The following CDK6 variants were observed in gnomAD, a reference collection of about 807,000 sequenced individuals.
CDK6 encodes the protein cyclin-dependent kinase 6.
In CDK6, 6 loss-of-function variants were observed where a neutral mutation model predicts 37.1. That is an observed-to-expected ratio of 0.16 (90% CI 0.09 to 0.32). The LOEUF is 0.32. Ranked by LOEUF, CDK6 falls within the 10% of genes least tolerant of loss-of-function variation. The pLI is 1.00. For synonymous variants in CDK6, 160 were observed against 161.3 expected (o/e 0.99, Z 0.06); for missense variants, 224 against 418.9 (o/e 0.53, Z 4.06).
chr7:92,770,520 C>T (rs542199897), intron 3 of CDK6, among the ~76,000 whole-genome samples: 2 of 152,004 alleles, frequency 1.3e-5, no homozygotes, highest in Non-Finnish European at 2.9e-5. Flanking sequence ...CAACTATCAA[C>T]CTTTATTAGT....
chr7:92,780,089 C>T (rs567915509), intron 2 of CDK6, among the ~76,000 whole-genome samples: 8 of 152,324 alleles, frequency 5.3e-5, no homozygotes, highest in Admixed American at 3.3e-4. Flanking sequence ...TCTCCTGCCT[C>T]AGCCTCCCGA....
intron 3 of CDK6, among the ~76,000 whole-genome samples, chr7:92,731,906 T>C (rs1285801432): frequency 3.3e-5 from 5 of 152,168 alleles, no homozygotes; most frequent in Admixed American, 3.3e-4. Flanking sequence ...CATCAGGAAC[T>C]GAAACTGCAA....
chr7:92,723,304 T>C (rs535040284), intron 4 of CDK6, among the ~76,000 whole-genome samples: 1 of 152,216 alleles, frequency 6.6e-6, no homozygotes, highest in Admixed American at 6.5e-5. Flanking sequence ...AGTAAAATAC[T>C]AGCATTTCTC....
At position 92,674,279 on chromosome 7, in the gene CDK6, T is replaced by C. The variant is rs1447792460; in HGVS notation, c.538-2744A>G. The stretch of plus-strand genomic sequence containing the variant: ...CCTATTCTACAAGGCCTAGCCTAGA[T>C]GCCAGCACCACCCTGTTGCAGCACC... On this transcript the variant is annotated intron_variant, in intron 4 of 7. Transcript: ENST00000424848. 2.0e-5 allele frequency among the ~76,000 whole-genome samples: 3 copies of C among 152,318 alleles called. No homozygotes were observed. In the East Asian group the frequency reaches 5.8e-4, roughly 29 times the overall value.
chr7:92,736,963 C>A (rs564569695), intron 3 of CDK6, among the ~76,000 whole-genome samples: 1 of 152,134 alleles, frequency 6.6e-6, no homozygotes, highest in Non-Finnish European at 1.5e-5. Context: ...TGGAGAGCTC[C>A]GCTACATTTC....
intron 2 of CDK6, among the ~76,000 whole-genome samples, chr7:92,825,637 T>C (rs1801292513): frequency 6.6e-6 from 1 of 152,164 alleles, no homozygotes; most frequent in African/African-American, 2.4e-5. Flanking sequence ...AAATTCAGAA[T>C]CATCATCTTT....
chr7:92,629,605 G>A (rs770369691), intron 5 of CDK6, among the ~76,000 whole-genome samples: 4 of 152,096 alleles, frequency 2.6e-5, no homozygotes, highest in Non-Finnish European at 5.9e-5. Context: ...AGATGAAAAA[G>A]TCATTTCTAA....
intron 5 of CDK6, among the ~76,000 whole-genome samples, chr7:92,652,353 C>A (rs1042004015): frequency 4.6e-5 from 7 of 152,268 alleles, no homozygotes; most frequent in African/African-American, 1.7e-4. Flanking sequence ...CTTTATAATT[C>A]TTTCTTATCT....
At chr7:92,752,587 A>G (rs771020589) in intron 3 of CDK6, among the ~76,000 whole-genome samples, 2 of 152,226 alleles carry the variant, frequency 1.3e-5, no homozygotes, top group Non-Finnish European at 2.9e-5. Flanking sequence ...CTTAGATGAC[A>G]TGTTTAAACG....
rs546453582 is a variant in CDK6 at position 92,700,277 on chromosome 7, T to C, written c.537+25349A>G. ...TTATGCAGGGCGTGTATGTCAGATA[T>C]GCATTATTCTACATTTGCATTCTGG... On this transcript the variant is annotated intron_variant, in intron 4 of 7. Coordinates refer to ENST00000424848, the MANE Select transcript of CDK6 (RefSeq NM_001145306.2). Among the ~76,000 whole-genome samples, 5 of 152,296 alleles carry C rather than the reference T, an allele frequency of 3.3e-5. No individual in the cohort carries two copies. In the East Asian group the frequency reaches 7.7e-4, roughly 23 times the overall value.
chr7:92,726,830 A>AG (rs1798523156), intron 3 of CDK6, among the ~76,000 whole-genome samples: 1 of 152,212 alleles, frequency 6.6e-6, no homozygotes, highest in East Asian at 1.9e-4. Context: ...TACGTAAAAT[A>AG]AGGCAAGCCA....
chr7:92,637,986 A>G (rs962442349), intron 5 of CDK6, among the ~76,000 whole-genome samples: 6 of 152,340 alleles, frequency 3.9e-5, no homozygotes, highest in African/African-American at 1.2e-4. Flanking sequence ...GAGTAAAAGT[A>G]TTTAACGTAT....
chr7:92,635,277 A>G (rs1443191015), intron 5 of CDK6, among the ~76,000 whole-genome samples: 1 of 152,206 alleles, frequency 6.6e-6, no homozygotes, highest in Non-Finnish European at 1.5e-5. Context: ...GGGCAGTGTT[A>G]GGTTCCCTGT....
rs767999825 is a variant in CDK6 at position 92,725,689 on chromosome 7, T to C, written c.474A>G (p.Gln158=). ...CAAGGCCGAAGTCAGCGAGTTTTAT[T>C]TGTCCGCTGCTGGTCACCAGAATGT... The part of the protein sequence containing the change: ...PQNILVTSSG[Q]IKLADFGLAR... Residue 158 remains glutamine, a synonymous_variant, in exon 4 of 8, where the codon CAA becomes CAG. Coordinates refer to ENST00000424848, the MANE Select transcript of CDK6 (RefSeq NM_001145306.2). 6.2e-7 allele frequency: 1 copy of C among 1,614,114 alleles called. No individual in the cohort carries two copies. The highest frequency in any genetic ancestry group is 8.5e-7 in the Non-Finnish European group (1 of 1,179,976).
chr7:92,640,041 T>C (rs1796265782), intron 5 of CDK6, among the ~76,000 whole-genome samples: 2 of 152,212 alleles, frequency 1.3e-5, no homozygotes, highest in Non-Finnish European at 2.9e-5. Flanking sequence ...TTAATGTATA[T>C]ATAGATCAGG....
intron 3 of CDK6, among the ~76,000 whole-genome samples, chr7:92,763,691 A>C (rs1214716670): frequency 6.6e-6 from 1 of 152,200 alleles, no homozygotes; most frequent in Non-Finnish European, 1.5e-5. Flanking sequence ...AGATTGCCTA[A>C]ACCTACTGAT....
rs191384348 is a variant in CDK6 at position 92,657,903 on chromosome 7, G to A, written c.647+13523C>T. ...ATGATTTTTTTAAATTTTATTTTTC[G>A]TACAGACAGGGTCTCACCATGTTGC... On this transcript the variant is annotated intron_variant, in intron 5 of 7. Transcript: ENST00000424848. Among the ~76,000 whole-genome samples, 495 of 152,014 alleles carry A rather than the reference G, an allele frequency of 3.3e-3. 4 individuals are homozygous for A. Among genetic ancestry groups the A allele is most frequent in the African/African-American group, 0.011 (464 of 41,470 alleles).
intron 2 of CDK6, 115 bp from the exon 3 acceptor site, chr7:92,774,946 T>A (rs1799812125): frequency 1.1e-6 from 1 of 888,464 alleles, no homozygotes; most frequent in Non-Finnish European, 1.7e-6. Flanking sequence ...CCAGTGTTGA[T>A]CATTTCTTGT....
intron 5 of CDK6, among the ~76,000 whole-genome samples, chr7:92,655,033 A>G (rs948091530): frequency 6.9e-6 from 1 of 144,486 alleles, no homozygotes; most frequent in African/African-American, 2.6e-5. Flanking sequence ...TTTTGTAGAG[A>G]CAGAGTCTCC....
Sources: gnomAD v4.1 joint callset for allele counts (sites outside exome capture counted in the v4.1 genomes callset) on GRCh38, gnomAD v4.1.1 for gene constraint, MANE v1.5 for transcripts, NCBI Gene and HGNC (gene_info 2026-07-23, HGNC 2026-07-21) for gene names.